Variants in CARS2 observed in about 807,000 individuals in gnomAD.
The protein encoded by CARS2 is cysteinyl-tRNA synthetase 2, mitochondrial, also known as probable cysteine--tRNA ligase, mitochondrial.
A neutral mutation model predicts 68.8 loss-of-function variants in CARS2; 52 were observed. The observed-to-expected ratio is 0.76, with a 90% CI of 0.61 to 0.95. The LOEUF is 0.95. CARS2 is among the 40% of genes least tolerant of loss of function. The probability of loss-of-function intolerance (pLI) is 0.00; values close to 1 mark genes in which losing one functional copy is unlikely to be tolerated. For synonymous variants in CARS2, 314 were observed against 303.6 expected (o/e 1.03, Z -0.36); for missense variants, 780 against 754.2 (o/e 1.03, Z -0.40).
rs999319838 is a variant in CARS2, at chr13:110,670,209, T to C, written c.786-2736A>G. On this transcript the variant is annotated intron_variant, in intron 7 of 14. Transcript: ENST00000257347. This position sits in a 1 kb window ranked among gnomAD's most constrained non-coding sequence, Gnocchi z 4.1. Reference sequence around the variant, plus strand: ...CCTGACTGACAGCTTTGAAGAGTAGTGGTTCTCCCAGCACGGAGTTTGAGA... The same window carrying C: ...CCTGACTGACAGCTTTGAAGAGTAGCGGTTCTCCCAGCACGGAGTTTGAGA... Among the ~76,000 whole-genome samples the C allele has an allele frequency of 6.6e-6, 1 of 152,306 alleles. No individual in the cohort carries two copies. The highest frequency in any genetic ancestry group is 6.5e-5 in the Admixed American group (1 of 15,300).
intron 7 of CARS2, among the ~76,000 whole-genome samples, chr13:110,671,994 C>G (rs1195916478): frequency 6.6e-6 from 1 of 152,178 alleles, no homozygotes; most frequent in Non-Finnish European, 1.5e-5. Flanking sequence ...GTAAAGGGAT[C>G]AATTCAACAA....
chr13:110,701,141 C>T (rs901250564), intron 3 of CARS2, among the ~76,000 whole-genome samples: 2 of 152,034 alleles, frequency 1.3e-5, no homozygotes, highest in African/African-American at 4.8e-5. Flanking sequence ...CCGCTCATTG[C>T]AACCTTCGCC....
At chr13:110,711,405 G>T (rs914760589), upstream of CARS2, among the ~76,000 whole-genome samples, 2 of 152,144 alleles carry the variant, frequency 1.3e-5, no homozygotes, top group Non-Finnish European at 2.9e-5. Flanking sequence ...GTAGAGACAG[G>T]GTTTCACCAT....
chr13:110,654,988 A>C (rs1235146897), intron 9 of CARS2, among the ~76,000 whole-genome samples: 1 of 152,142 alleles, frequency 6.6e-6, no homozygotes. Context: ...ACCTGATTAA[A>C]ATTCTAATTT....
At chr13:110,698,821 T>C (rs998897932) in intron 3 of CARS2, among the ~76,000 whole-genome samples, 2 of 151,910 alleles carry the variant, frequency 1.3e-5, no homozygotes, top group Admixed American at 1.3e-4. Context: ...CTGGGCAACA[T>C]AGTGAAACCG....
intron 5 of CARS2, among the ~76,000 whole-genome samples, chr13:110,684,011 C>A (rs1470896715): frequency 6.6e-6 from 1 of 152,228 alleles, no homozygotes; most frequent in African/African-American, 2.4e-5. Context: ...GAAAGCAGAG[C>A]TGGGGAGGAG....
At chr13:110,688,735 C>T (rs2063377012) in intron 3 of CARS2, 1 of 152,430 alleles carries the variant, frequency 6.6e-6, no homozygotes, top group South Asian at 2.0e-4. Context: ...CACGGTGAAA[C>T]CCCGTCTCTA....
At chr13:110,651,542 G>A (rs779600117) in intron 9 of CARS2, among the ~76,000 whole-genome samples, 6 of 152,184 alleles carry the variant, frequency 3.9e-5, no homozygotes, top group African/African-American at 9.6e-5. Context: ...CGTCAGACCC[G>A]GCTGACCTCC....
chr13:110,656,851 T>C (rs2062383247), intron 9 of CARS2, among the ~76,000 whole-genome samples: 1 of 150,740 alleles, frequency 6.6e-6, no homozygotes. Context: ...GCCACTGCAC[T>C]CCAGCCTGGG....
At chr13:110,687,513 C>G (rs2139857724) in intron 5 of CARS2, among the ~76,000 whole-genome samples, 1 of 150,604 alleles carries the variant, frequency 6.6e-6, no homozygotes, top group East Asian at 2.0e-4. Flanking sequence ...ACTAAAAATA[C>G]CAAAACAAAA....
intron 9 of CARS2, among the ~76,000 whole-genome samples, chr13:110,660,296 G>C (rs1188067547): frequency 6.6e-6 from 1 of 152,120 alleles, no homozygotes; most frequent in Non-Finnish European, 1.5e-5. Context: ...AACCATGAGA[G>C]TTGGACTTAA....
At chr13:110,666,522 G>C in intron 8 of CARS2, 5 of 985,358 alleles carry the variant, frequency 5.1e-6, no homozygotes, top group Non-Finnish European at 6.0e-6. Flanking sequence ...TGAAGGACAT[G>C]CTGCAGGAAG....
At chr13:110,642,707 A>G in intron 13 of CARS2, 186 bp from the exon 14 acceptor site, 1 of 764,126 alleles carries the variant, frequency 1.3e-6, no homozygotes, top group Non-Finnish European at 2.4e-6. Context: ...GCTCTGGGCA[A>G]GGCTCCACTC....
intron 10 of CARS2, 82 bp downstream of exon 10, chr13:110,650,952 C>T: frequency 1.0e-6 from 1 of 990,648 alleles, no homozygotes; most frequent in South Asian, 1.4e-5. Context: ...ATTCTCTGGC[C>T]TGCATTTTGC....
chr13:110,663,057 A>T (rs2062551265), intron 9 of CARS2: 1 of 465,226 alleles, frequency 2.1e-6, no homozygotes, highest in Admixed American at 2.3e-5. Context: ...GAGCCTATTA[A>T]GGGCAAACAG....
At chr13:110,699,720 T>C (rs1205875484) in intron 3 of CARS2, among the ~76,000 whole-genome samples, 2 of 152,020 alleles carry the variant, frequency 1.3e-5, no homozygotes, top group Non-Finnish European at 2.9e-5. Flanking sequence ...GGGCAAAGAG[T>C]GACAGCGTTT....
chr13:110,704,688 C>A (rs1033134102), intron 2 of CARS2, among the ~76,000 whole-genome samples: 5 of 151,750 alleles, frequency 3.3e-5, no homozygotes, highest in African/African-American at 9.7e-5. Context: ...TGCAGTGAGC[C>A]GAGATTGCAC....
At chr13:110,664,370 G>A (rs970055696) in intron 8 of CARS2, 17 of 270,984 alleles carry the variant, frequency 6.3e-5, no homozygotes, top group East Asian at 1.8e-4. Context: ...TTAGCTGGGC[G>A]TGGTGGGGCA....
intron 7 of CARS2, 109 bp from the exon 8 acceptor site, chr13:110,667,582 T>C: frequency 1.0e-6 from 1 of 977,596 alleles, no homozygotes; most frequent in Admixed American, 2.9e-5. Context: ...AATAAATGGA[T>C]CTCAGTTTTG....
Sources: allele counts gnomAD v4.1 joint callset (sites outside exome capture counted in the v4.1 genomes callset), GRCh38; gene constraint gnomAD v4.1.1; non-coding constraint Gnocchi (gnomAD v3.1); transcripts MANE v1.5; gene names NCBI Gene and HGNC (gene_info 2026-07-23, HGNC 2026-07-21).